ASPH: variants seen among roughly 807,000 people sequenced by gnomAD.
ASPH encodes the protein aspartate beta-hydroxylase.
Under a neutral mutation model 118.4 loss-of-function variants are expected in ASPH, and 100 were observed. The observed-to-expected ratio is 0.84, with a 90% confidence interval of 0.72 to 1.00. ASPH has a LOEUF of 1.00. Ranked by LOEUF, ASPH falls within the 50% of genes least tolerant of loss-of-function variation. The pLI, the probability that ASPH is intolerant of heterozygous loss-of-function variation, is 0.00. For synonymous variants in ASPH, 315 were observed against 325.6 expected (o/e 0.97, Z 0.35); for missense variants, 920 against 919.5 (o/e 1.00, Z -0.01).
At chr8:61,643,004 TA>T (rs2150972824) in intron 9 of ASPH, 84 bp from the exon 10 acceptor site, 1 of 1,236,600 alleles carries the variant, frequency 8.1e-7, no homozygotes, top group East Asian at 2.5e-5. Flanking sequence ...AAATACTACT[TA>T]ATCGTAAACA....
intron 23 of ASPH, 103 bp downstream of exon 23, chr8:61,517,929 G>A (rs1811493881): frequency 8.1e-7 from 1 of 1,228,024 alleles, no homozygotes; most frequent in Non-Finnish European, 1.2e-6. Flanking sequence ...TGTAAAAAGA[G>A]GCATTCATTG....
At chr8:61,523,153 C>A (rs1322211678) in intron 22 of ASPH, among the ~76,000 whole-genome samples, 1 of 152,060 alleles carries the variant, frequency 6.6e-6, no homozygotes, top group Non-Finnish European at 1.5e-5. Flanking sequence ...TGTGGCTAAG[C>A]AAACTGGTCA....
In ASPH at chr8:61,501,701, G is replaced by C. The variant is rs190471538; in HGVS notation, c.*1658C>G. 2.0e-5 allele frequency: 3 copies of C among 152,106 alleles called. No homozygotes were observed. Among genetic ancestry groups the C allele is most frequent in the Admixed American group, 6.5e-5 (1 of 15,274 alleles). The allele number at this position is 152,106 out of a possible 1,614,324, so 9.4% of individuals were successfully genotyped here. A position where few individuals can be genotyped will look rare whatever the true frequency, so the allele number is the denominator to read the frequency against. ...TTAATTTGGATATTTTTCCTCCCAT[G>C]CCTCTTCATCTGATTTAGTGGGATG... On this transcript the variant is annotated 3_prime_UTR_variant, in exon 25 of 25. Coordinates refer to ENST00000379454, the MANE Select transcript of ASPH (RefSeq NM_004318.4).
At chr8:61,517,687 T>C (rs753110510) in intron 23 of ASPH, 26 bp from the exon 24 acceptor site, 5 of 1,604,790 alleles carry the variant, frequency 3.1e-6, no homozygotes, top group Non-Finnish European at 4.3e-6. Flanking sequence ...GACACTCCAT[T>C]CAGCCATTTA....
chr8:61,507,990 CCT>C (rs1450398975), intron 24 of ASPH, among the ~76,000 whole-genome samples: 2 of 152,110 alleles, frequency 1.3e-5, no homozygotes, highest in East Asian at 1.9e-4. Flanking sequence ...TCCTTCCCTT[CCT>C]CTCTCTCTTT....
chr8:61,594,302 G>C (rs948862627), intron 14 of ASPH, among the ~76,000 whole-genome samples: 2 of 152,108 alleles, frequency 1.3e-5, no homozygotes, highest in Non-Finnish European at 2.9e-5. Context: ...TATTAATTTT[G>C]CTTAAATGAT....
At chr8:61,639,820 C>T (rs751016168) in intron 10 of ASPH, among the ~76,000 whole-genome samples, 4 of 152,126 alleles carry the variant, frequency 2.6e-5, no homozygotes, top group Non-Finnish European at 5.9e-5. Flanking sequence ...TGAGCCCCTG[C>T]CCCGTGCTTG....
intron 15 of ASPH, 127 bp downstream of exon 15, chr8:61,583,817 G>C (rs1838374695): frequency 6.2e-6 from 4 of 640,660 alleles, no homozygotes; most frequent in Non-Finnish European, 1.0e-5. Context: ...CATGTGCCTG[G>C]GGAAAAATCC....
chr8:61,680,488 A>T (rs745744787), intron 3 of ASPH: 1 of 152,010 alleles, frequency 6.6e-6, no homozygotes, highest in South Asian at 2.1e-4. Context: ...CCAGGAGTTC[A>T]TATTTTAATG....
At chr8:61,602,941 C>T (rs1010627583) in intron 14 of ASPH, among the ~76,000 whole-genome samples, 6 of 151,844 alleles carry the variant, frequency 4.0e-5, no homozygotes, top group African/African-American at 1.5e-4. Flanking sequence ...GCCTGTAATC[C>T]CAGCACTTTG....
In ASPH at chr8:61,651,045, C is replaced by T. The variant is rs1810715844; in HGVS notation, c.490+5G>A. ...TCAAAACAAAGAGCAGATTTTAATT[C>T]ATACCATGTTCTGCGTGTACCATTT... is the stretch of plus-strand genomic sequence containing the variant. On this transcript the variant is annotated splice_donor_5th_base_variant and intron_variant, in intron 5 of 24. Transcript: ENST00000379454. 1.9e-6 allele frequency: 3 copies of T among 1,606,686 alleles called. No homozygotes were observed. The highest frequency in any genetic ancestry group is 2.5e-6 in the Non-Finnish European group (3 of 1,176,864).
At chr8:61,624,050 G>A (rs1851869346) in intron 13 of ASPH, 1 of 251,290 alleles carries the variant, frequency 4.0e-6, no homozygotes, top group Non-Finnish European at 6.3e-6. Flanking sequence ...GGAGCAGGAG[G>A]TGAAGATGGT....
chr8:61,702,155 A>C (rs1380622906), intron 1 of ASPH, among the ~76,000 whole-genome samples: 1 of 152,184 alleles, frequency 6.6e-6, no homozygotes, highest in African/African-American at 2.4e-5. Flanking sequence ...AGACACAGAA[A>C]TTTTAAGTAG....
chr8:61,594,247 A>G (rs577467998), intron 14 of ASPH, among the ~76,000 whole-genome samples: 2 of 152,374 alleles, frequency 1.3e-5, no homozygotes, highest in South Asian at 4.1e-4. Flanking sequence ...CATTTTTTAA[A>G]TGGGGAAATG....
intron 3 of ASPH, 92 bp downstream of exon 3, chr8:61,680,876 A>G: frequency 2.8e-6 from 3 of 1,085,130 alleles, no homozygotes; most frequent in East Asian, 2.5e-5. Flanking sequence ...CTCCTGTAAG[A>G]TATATACTAT....
chr8:61,530,262 T>C (rs1409657050), intron 21 of ASPH, among the ~76,000 whole-genome samples: 1 of 152,242 alleles, frequency 6.6e-6, no homozygotes, highest in Non-Finnish European at 1.5e-5. Flanking sequence ...ATTCAGTTGG[T>C]TGCCCGAAAG....
At chr8:61,689,248 T>C (rs759607017) in intron 1 of ASPH, among the ~76,000 whole-genome samples, 12 of 152,196 alleles carry the variant, frequency 7.9e-5, no homozygotes, top group Non-Finnish European at 1.6e-4. Context: ...TTTCCATAAA[T>C]GGTAAGTCCT....
chr8:61,652,698 CATTAA>C (rs1811655670), intron 4 of ASPH, among the ~76,000 whole-genome samples: 1 of 152,028 alleles, frequency 6.6e-6, no homozygotes, highest in Non-Finnish European at 1.5e-5. Context: ...TCCAAACACA[CATTAA>C]ATTATAAAAC....
intron 2 of ASPH, among the ~76,000 whole-genome samples, chr8:61,681,472 C>T (rs189532019): frequency 6.6e-6 from 1 of 151,586 alleles, no homozygotes; most frequent in Non-Finnish European, 1.5e-5. Flanking sequence ...AAAGAAACAA[C>T]CAAGCCTCAA....
Sources: gnomAD v4.1 joint callset for allele counts (sites outside exome capture counted in the v4.1 genomes callset) on GRCh38, gnomAD v4.1.1 for gene constraint, MANE v1.5 for transcripts, NCBI Gene and HGNC (gene_info 2026-07-23, HGNC 2026-07-21) for gene names.